ACYP2: variants seen among roughly 807,000 people sequenced by gnomAD.
ACYP2 encodes the protein acylphosphatase 2, also known as acylphosphatase-2.
In ACYP2, 12 loss-of-function variants were observed where a neutral mutation model predicts 11.2. That is an observed-to-expected ratio of 1.08 (90% CI 0.69 to 1.74). ACYP2 has a LOEUF of 1.74. Among genes scored for constraint, ACYP2 ranks in the 40% most tolerant of loss-of-function variants. The probability of loss-of-function intolerance (pLI) is 0.00; values close to 1 mark genes in which losing one functional copy is unlikely to be tolerated. For synonymous variants in ACYP2, 43 were observed against 32.2 expected, an observed-to-expected ratio of 1.33 and a Z score of -1.13; for missense variants, 134 against 101.9, an observed-to-expected ratio of 1.31 and a Z score of -1.35.
At chr2:54,017,253 G>GTTTCTTTTCT (rs199554509) in intron 2 of ACYP2, among the ~76,000 whole-genome samples, 28 of 129,950 alleles carry the variant, frequency 2.2e-4, no homozygotes, top group East Asian at 1.7e-3. Context: ...TGGCCGTTAA[G>GTTTCTTTTCT]TTTCTTTTCT....
intron 2 of ACYP2, among the ~76,000 whole-genome samples, chr2:54,025,596 G>C (rs901875607): frequency 2.6e-5 from 4 of 152,120 alleles, no homozygotes; most frequent in African/African-American, 4.8e-5. Flanking sequence ...TCAAAGACTT[G>C]AATATACAAC....
At chr2:54,030,042 G>T (rs1031652027) in intron 2 of ACYP2, among the ~76,000 whole-genome samples, 9 of 152,150 alleles carry the variant, frequency 5.9e-5, no homozygotes, top group Non-Finnish European at 8.8e-5. Flanking sequence ...GCTTATGTAG[G>T]TTGAGGTTAT....
chr2:54,261,709 A>G (rs904179158), intron 6 of ACYP2, among the ~76,000 whole-genome samples: 2 of 152,204 alleles, frequency 1.3e-5, no homozygotes, highest in Non-Finnish European at 2.9e-5. Context: ...GATTTAACAT[A>G]CAGAACTATT....
At chr2:54,064,652 C>T (rs1415266241) in intron 4 of ACYP2, among the ~76,000 whole-genome samples, 1 of 152,094 alleles carries the variant, frequency 6.6e-6, no homozygotes, top group Non-Finnish European at 1.5e-5. Context: ...ATAGATCATG[C>T]TAAGTGTTTT....
chr2:54,001,259 G>T (rs930614406), intron 2 of ACYP2, among the ~76,000 whole-genome samples: 2 of 152,022 alleles, frequency 1.3e-5, no homozygotes, highest in Non-Finnish European at 2.9e-5. Context: ...CACTTGAGAG[G>T]CTAAGGTGGG....
intron 2 of ACYP2, among the ~76,000 whole-genome samples, chr2:54,008,197 A>C (rs777828076): frequency 6.6e-6 from 1 of 152,232 alleles, no homozygotes; most frequent in East Asian, 1.9e-4. Context: ...AGCTATTCAA[A>C]GACCATGCAG....
At chr2:54,008,392 A>G (rs1673187038) in intron 2 of ACYP2, among the ~76,000 whole-genome samples, 1 of 152,220 alleles carries the variant, frequency 6.6e-6, no homozygotes, top group Non-Finnish European at 1.5e-5. Context: ...CTTGTCCTGC[A>G]GGGACAGAGG....
chr2:54,189,027 C>A (rs1684127899), intron 6 of ACYP2, among the ~76,000 whole-genome samples: 2 of 152,202 alleles, frequency 1.3e-5, no homozygotes, highest in African/African-American at 2.4e-5. Flanking sequence ...GCTGTGATAT[C>A]TCTTTCACAA....
chr2:54,304,218 C>CTGTGTGTGTG (rs10531789), intron 6 of ACYP2, among the ~76,000 whole-genome samples: 11 of 149,376 alleles, frequency 7.4e-5, no homozygotes, highest in African/African-American at 2.2e-4. Context: ...ATATATATGT[C>CTGTGTGTGTG]TGTGTGTGTG....
chr2:54,032,485 A>G, intron 2 of ACYP2, among the ~76,000 whole-genome samples: 1 of 152,052 alleles, frequency 6.6e-6, no homozygotes, highest in Non-Finnish European at 1.5e-5. Context: ...ATTGGTCTAT[A>G]TCTCTGTTTT....
intron 2 of ACYP2, among the ~76,000 whole-genome samples, chr2:53,976,067 T>G (rs946339950): frequency 6.6e-6 from 1 of 152,192 alleles, no homozygotes; most frequent in African/African-American, 2.4e-5. Flanking sequence ...ATTGGAACAC[T>G]AATTAATCAC....
intron 6 of ACYP2, among the ~76,000 whole-genome samples, chr2:54,269,702 A>G (rs912899490): frequency 6.6e-6 from 1 of 152,186 alleles, no homozygotes; most frequent in African/African-American, 2.4e-5. Flanking sequence ...TCTCATCTCT[A>G]TGTTGAAAAA....
At chr2:54,265,562 A>G (rs1687979230) in intron 6 of ACYP2, among the ~76,000 whole-genome samples, 1 of 152,236 alleles carries the variant, frequency 6.6e-6, no homozygotes, top group African/African-American at 2.4e-5. Context: ...AGAAAGGGGA[A>G]GAATGCAGGG....
At position 54,023,715 on chromosome 2, in the gene ACYP2, T is replaced by C. The variant is rs539637306; in HGVS notation, c.63-27243T>C. ...AAAAATAAACTTAAAGTTTTTTTCC[T>C]GGAAACATACAATCCTGCTAGATTA... is the stretch of plus-strand genomic sequence containing the variant. On this transcript the variant is annotated intron_variant, in intron 2 of 6. Transcript: ENST00000607452. Among the ~76,000 whole-genome samples the C allele has an allele frequency of 3.9e-5, 6 of 152,292 alleles. No homozygotes were observed. In the South Asian group the frequency reaches 6.2e-4, roughly 16 times the overall value.
chr2:54,044,881 G>A (rs1675431618), intron 2 of ACYP2, among the ~76,000 whole-genome samples: 1 of 152,208 alleles, frequency 6.6e-6, no homozygotes, highest in Non-Finnish European at 1.5e-5. Context: ...AGAAAAGAAG[G>A]GAGGGACAGA....
intron 2 of ACYP2, among the ~76,000 whole-genome samples, chr2:53,985,978 T>C (rs1672016694): frequency 6.6e-6 from 1 of 151,656 alleles, no homozygotes; most frequent in South Asian, 2.1e-4. Flanking sequence ...TCTAGTAAAA[T>C]ACAAAAAATT....
At chr2:54,258,648 G>A (rs1425286337) in intron 6 of ACYP2, among the ~76,000 whole-genome samples, 1 of 152,062 alleles carries the variant, frequency 6.6e-6, no homozygotes, top group Admixed American at 6.5e-5. Flanking sequence ...GATCTTTTGG[G>A]AGGCTACTGC....
chr2:54,150,958 G>T (rs1682137149), intron 6 of ACYP2, among the ~76,000 whole-genome samples: 2 of 146,844 alleles, frequency 1.4e-5, no homozygotes, highest in South Asian at 4.3e-4. Context: ...AGCCAGGATG[G>T]TCTCGATCTC....
chr2:54,158,036 A>T (rs1279807315), intron 6 of ACYP2, among the ~76,000 whole-genome samples: 3 of 151,236 alleles, frequency 2.0e-5, no homozygotes, highest in African/African-American at 7.3e-5. Context: ...TATTATTATT[A>T]TTTTTTTGAG....
Sources: gnomAD v4.1 joint callset for allele counts (sites outside exome capture counted in the v4.1 genomes callset) on GRCh38, gnomAD v4.1.1 for gene constraint, MANE v1.5 for transcripts, NCBI Gene and HGNC (gene_info 2026-07-23, HGNC 2026-07-21) for gene names.